Variants in PTPN9 observed in about 807,000 individuals in gnomAD.
PTPN9 encodes protein tyrosine phosphatase non-receptor type 9.
In PTPN9, 26 loss-of-function variants were observed where a neutral mutation model predicts 69.8. The observed-to-expected ratio is 0.37, with a 90% CI of 0.27 to 0.52. The LOEUF (loss-of-function observed/expected upper bound fraction) is 0.52. Ranked by LOEUF, PTPN9 falls within the 20% of genes least tolerant of loss-of-function variation. PTPN9 has a pLI of 0.91. For synonymous variants in PTPN9, 274 were observed against 272.5 expected (o/e 1.01, Z -0.05); for missense variants, 549 against 740.3 (o/e 0.74, Z 3.00).
chr15:75,486,692 G>T (rs2074679523), intron 8 of PTPN9, among the ~76,000 whole-genome samples: 1 of 151,510 alleles, frequency 6.6e-6, no homozygotes, highest in African/African-American at 2.4e-5. Context: ...CAAATAACAA[G>T]GTATTGTATA....
intron 7 of PTPN9, among the ~76,000 whole-genome samples, chr15:75,501,452 T>C (rs942761905): frequency 6.6e-6 from 1 of 150,724 alleles, no homozygotes; most frequent in African/African-American, 2.4e-5. Flanking sequence ...TTTCCTCTTC[T>C]TTTCTTTCTT....
At chr15:75,577,624 G>A (rs2075179330) in intron 1 of PTPN9, among the ~76,000 whole-genome samples, 1 of 152,152 alleles carries the variant, frequency 6.6e-6, no homozygotes, top group South Asian at 2.1e-4. Flanking sequence ...AGGTCAACAA[G>A]CCCATTAGCC....
chr15:75,557,222 C>T (rs982059419), intron 1 of PTPN9, among the ~76,000 whole-genome samples: 1 of 151,990 alleles, frequency 6.6e-6, no homozygotes, highest in Non-Finnish European at 1.5e-5. Context: ...GTCAGGAGTT[C>T]GAGACCAGCC....
rs563113010 is a variant in PTPN9, at chr15:75,505,914, G to A, written c.729C>T (p.Leu243=). 1.2e-5 allele frequency: 19 copies of A among 1,613,982 alleles called. No individual in the cohort carries two copies. In the African/African-American group the frequency reaches 1.9e-4, roughly 16 times the overall value. The change falls in exon 7 of 13, where the codon CTC becomes CTT. Residue 243 remains leucine (L), a synonymous_variant. Coordinates refer to ENST00000618819, the MANE Select transcript of PTPN9 (RefSeq NM_002833.4). ...ENLGGYVKID[L]ATWNFQFLPQ... ...GTAGGAACTGGAAATTCCAAGTGGC[G>A]AGATCAATTTTGACGTACCCACCCA...
At chr15:75,530,536 AT>A (rs2074952386) in intron 1 of PTPN9, among the ~76,000 whole-genome samples, 2 of 39,162 alleles carry the variant, frequency 5.1e-5, no homozygotes, top group African/African-American at 2.0e-4. Flanking sequence ...ATTATATAAT[AT>A]TATTATATTA....
chr15:75,477,848 T>C (rs1207157209), intron 9 of PTPN9, among the ~76,000 whole-genome samples: 2 of 144,368 alleles, frequency 1.4e-5, no homozygotes, highest in Admixed American at 6.9e-5. Context: ...TTTTTTTTTT[T>C]TTTTTTTTTT....
intron 1 of PTPN9, among the ~76,000 whole-genome samples, chr15:75,541,590 T>C (rs1408838769): frequency 1.3e-5 from 2 of 151,686 alleles, no homozygotes; most frequent in East Asian, 3.9e-4. Context: ...GTATTTTTAG[T>C]AGAGACGGGA....
At chr15:75,564,430 T>TAA (rs1473959469) in intron 1 of PTPN9, among the ~76,000 whole-genome samples, 2 of 151,478 alleles carry the variant, frequency 1.3e-5, no homozygotes, top group African/African-American at 4.9e-5. Flanking sequence ...CCGTCTCTAC[T>TAA]AAAAATACAA....
intron 4 of PTPN9, among the ~76,000 whole-genome samples, chr15:75,518,418 A>G (rs2074883031): frequency 6.6e-6 from 1 of 150,462 alleles, no homozygotes; most frequent in African/African-American, 2.5e-5. Context: ...GCTTGAACCC[A>G]GGAGTTCAAG....
chr15:75,467,084 C>G lies in PTPN9; in HGVS notation c.*1685G>C, dbSNP rs986660834. 2.6e-5 allele frequency: 4 copies of G among 152,410 alleles called. No homozygotes were observed. The highest frequency in any genetic ancestry group is 7.2e-5 in the African/African-American group (3 of 41,408). 9.4% of individuals were successfully genotyped at this position (152,410 alleles called of 1,614,324 possible). A position where few individuals can be genotyped will look rare whatever the true frequency, so the allele number is the denominator to read the frequency against. Reference sequence around the variant, plus strand: ...CCAGACCAGCTCCTGGACCCCCTCCCTCATGTCCCAGGCTGCTAAATTGAT... The same window carrying G: ...CCAGACCAGCTCCTGGACCCCCTCCGTCATGTCCCAGGCTGCTAAATTGAT... On this transcript the variant is annotated 3_prime_UTR_variant, in exon 13 of 13. Coordinates refer to ENST00000618819, the MANE Select transcript of PTPN9 (RefSeq NM_002833.4).
intron 8 of PTPN9, among the ~76,000 whole-genome samples, chr15:75,481,944 C>G (rs563667496): frequency 1.2e-3 from 172 of 146,088 alleles, no homozygotes; most frequent in African/African-American, 3.9e-3. Context: ...GCCACCACCC[C>G]GTCTGGGAGG....
At chr15:75,567,014 T>C (rs1362766282) in intron 1 of PTPN9, among the ~76,000 whole-genome samples, 1 of 151,232 alleles carries the variant, frequency 6.6e-6, no homozygotes, top group East Asian at 1.9e-4. Context: ...AGCCCATTTT[T>C]TTTCTTTTTT....
chr15:75,517,633 C>T (rs1006674043), intron 4 of PTPN9, among the ~76,000 whole-genome samples: 1 of 152,188 alleles, frequency 6.6e-6, no homozygotes, highest in Non-Finnish European at 1.5e-5. Context: ...GAACTGTTTT[C>T]TCCCACCCCT....
intron 1 of PTPN9, among the ~76,000 whole-genome samples, chr15:75,537,745 C>T (rs1391163505): frequency 6.0e-5 from 2 of 33,192 alleles, no homozygotes. Flanking sequence ...CAGAGGGAGA[C>T]TCCATCTCAA....
At chr15:75,550,447 T>G (rs557544443) in intron 1 of PTPN9, among the ~76,000 whole-genome samples, 1 of 146,458 alleles carries the variant, frequency 6.8e-6, no homozygotes, top group East Asian at 2.3e-4. Context: ...ATTACAGGCG[T>G]GAGCCACCAT....
intron 1 of PTPN9, among the ~76,000 whole-genome samples, chr15:75,565,601 G>T (rs1034157344): frequency 4.6e-5 from 7 of 152,138 alleles, no homozygotes; most frequent in African/African-American, 1.7e-4. Context: ...CTGGGGGGAG[G>T]ATCATACTGA....
At chr15:75,550,031 A>G (rs1340513153) in intron 1 of PTPN9, among the ~76,000 whole-genome samples, 1 of 150,052 alleles carries the variant, frequency 6.7e-6, no homozygotes, top group East Asian at 2.0e-4. Flanking sequence ...CCGTTTCTCT[A>G]TCAAGTACAA....
At chr15:75,577,102 T>TTAC (rs2075177381) in intron 1 of PTPN9, among the ~76,000 whole-genome samples, 1 of 152,172 alleles carries the variant, frequency 6.6e-6, no homozygotes, top group Non-Finnish European at 1.5e-5. Context: ...AAAGATAAGG[T>TTAC]TTTTACTAGT....
In PTPN9 at chr15:75,479,809, A is replaced by G. The variant is rs575393048; in HGVS notation, c.1129+39T>C. ...ATTTGGCACAAGGAATCATAAGTAG[A>G]TGGCACAAAATCAACATGGGAGGGA... is the stretch of plus-strand genomic sequence containing the variant. On this transcript the variant is annotated intron_variant, in intron 9 of 12. Coordinates refer to ENST00000618819, the MANE Select transcript of PTPN9 (RefSeq NM_002833.4). 9.3e-6 allele frequency: 14 copies of G among 1,511,464 alleles called. No homozygotes were observed. In the East Asian group the frequency reaches 2.3e-4, roughly 25 times the overall value. 93.6% of individuals were successfully genotyped at this position (1,511,464 alleles called of 1,614,324 possible).
Sources: allele counts gnomAD v4.1 joint callset (sites outside exome capture counted in the v4.1 genomes callset), GRCh38; gene constraint gnomAD v4.1.1; transcripts MANE v1.5; gene names NCBI Gene and HGNC (gene_info 2026-07-23, HGNC 2026-07-21).